The following RANBP2 variants were observed in gnomAD, a reference collection of about 807,000 sequenced individuals.
RANBP2 encodes E3 SUMO-protein ligase RanBP2.
In RANBP2, 57 loss-of-function variants were observed where a neutral mutation model predicts 303.6. The ratio of observed to expected loss-of-function variants is 0.19; its 90% confidence interval spans 0.15 to 0.23. The LOEUF (loss-of-function observed/expected upper bound fraction) is 0.23. Among genes scored for constraint, RANBP2 ranks in the 10% least tolerant of loss-of-function variants. RANBP2 has a pLI of 1.00. For synonymous variants in RANBP2, 1,167 were observed against 1,301.5 expected (o/e 0.90, Z 2.23); for missense variants, 3,138 against 3,780.8 (o/e 0.83, Z 4.46).
chr2:108,936,187 T>C, the RANBP2 span, among the ~76,000 whole-genome samples: 487 of 152,352 alleles, frequency 3.2e-3, 1 homozygote, highest in Non-Finnish European at 3.3e-3. Flanking sequence ...ACACCTCATA[T>C]CTGTGGGAAG....
chr2:109,187,681 T>C, the RANBP2 span, among the ~76,000 whole-genome samples: 1 of 152,210 alleles, frequency 6.6e-6, no homozygotes, highest in African/African-American at 2.4e-5. Context: ...GTTCACACAA[T>C]GATGTCACCC....
the RANBP2 span, among the ~76,000 whole-genome samples, chr2:109,522,485 C>CG: frequency 2.0e-5 from 3 of 151,920 alleles, no homozygotes; most frequent in East Asian, 5.8e-4. Context: ...TTAGTAGAGA[C>CG]GGGGTTTCAC....
the RANBP2 span, among the ~76,000 whole-genome samples, chr2:109,146,354 C>G: frequency 9.9e-5 from 15 of 152,144 alleles, no homozygotes; most frequent in Admixed American, 9.8e-4. Flanking sequence ...GCCAGGGCCT[C>G]AAGAGCAAAA....
the RANBP2 span, among the ~76,000 whole-genome samples, chr2:109,046,928 G>A: frequency 6.6e-6 from 1 of 151,970 alleles, no homozygotes; most frequent in Non-Finnish European, 1.5e-5. Flanking sequence ...AAGGAAGCCT[G>A]CCCCACAGTC....
the RANBP2 span, among the ~76,000 whole-genome samples, chr2:109,070,631 A>C: frequency 6.6e-6 from 1 of 152,172 alleles, no homozygotes; most frequent in African/African-American, 2.4e-5. Context: ...AGGTAAAGGC[A>C]GGAGGATCAC....
the RANBP2 span, among the ~76,000 whole-genome samples, chr2:109,157,477 A>G: frequency 6.6e-6 from 1 of 152,234 alleles, no homozygotes; most frequent in Non-Finnish European, 1.5e-5. Flanking sequence ...CTGCATTTCC[A>G]TACTCTCTGG....
intron 2 of RANBP2, among the ~76,000 whole-genome samples, chr2:108,729,708 G>C (rs1695013221): frequency 6.8e-6 from 1 of 146,958 alleles, no homozygotes; most frequent in African/African-American, 2.6e-5. Context: ...AAATTAAGAG[G>C]GAGTCAGGCT....
the RANBP2 span, among the ~76,000 whole-genome samples, chr2:109,117,544 T>C: frequency 6.6e-6 from 1 of 152,216 alleles, no homozygotes; most frequent in Admixed American, 6.5e-5. Flanking sequence ...TGTCACCCCC[T>C]TCTTTGACTA....
At chr2:109,633,413 A>G in the RANBP2 span, among the ~76,000 whole-genome samples, 2 of 151,494 alleles carry the variant, frequency 1.3e-5, no homozygotes, top group African/African-American at 4.9e-5. Context: ...ACAAAACAAA[A>G]CAAAACAAAA....
At chr2:108,845,818 G>A in the RANBP2 span, among the ~76,000 whole-genome samples, 11 of 152,050 alleles carry the variant, frequency 7.2e-5, no homozygotes, top group Admixed American at 2.6e-4. Flanking sequence ...TGATCTGCCT[G>A]CCTCGGCGTC....
chr2:109,125,204 T>G, the RANBP2 span, among the ~76,000 whole-genome samples: 1 of 152,122 alleles, frequency 6.6e-6, no homozygotes. Flanking sequence ...CTCTCGGTGC[T>G]TCCTCTGCCC....
At chr2:109,513,947 G>A in the RANBP2 span, among the ~76,000 whole-genome samples, 8,229 of 152,248 alleles carry the variant, frequency 0.054, 654 homozygotes, top group East Asian at 0.23. Context: ...GCAAGCAGCC[G>A]GGTGGAGCCC....
the RANBP2 span, among the ~76,000 whole-genome samples, chr2:109,644,223 C>G: frequency 6.6e-6 from 1 of 152,038 alleles, no homozygotes; most frequent in Non-Finnish European, 1.5e-5. Context: ...AGGAGAATCT[C>G]TTGAACCCAG....
At chr2:108,788,073 A>T (rs1204348783), downstream of RANBP2, 4 of 1,601,266 alleles carry the variant, frequency 2.5e-6, no homozygotes, top group Non-Finnish European at 3.4e-6. Context: ...ATAAGAGAAG[A>T]ACTCTAACCT....
At chr2:109,646,513 A>G in the RANBP2 span, among the ~76,000 whole-genome samples, 2 of 151,398 alleles carry the variant, frequency 1.3e-5, no homozygotes, top group Non-Finnish European at 1.5e-5. Context: ...TTTTTTTGAG[A>G]TGGAGTCTTG....
At position 108,766,735 on chromosome 2, in the gene RANBP2, G is replaced by C; in HGVS notation, c.6196G>C (p.Glu2066Gln). The change falls in exon 20 of 29, where the codon GAG (glutamate) becomes CAG (glutamine). Residue 2066 changes from glutamate (E) to glutamine (Q), a missense_variant. Glu to Gln is a conservative substitution (Grantham distance 29, BLOSUM62 2). Coordinates refer to ENST00000283195, the MANE Select transcript of RANBP2 (RefSeq NM_006267.5). The part of the protein sequence containing the change: ...GLGNLKILKN[E>Q]VNGKLRMLMR... The stretch of plus-strand genomic sequence containing the variant: ...GGGGAACTTAAAAATTCTCAAAAAC[G>C]AGGTCAATGGCAAACTAAGAATGCT... 1 of 1,611,970 alleles carries C rather than the reference G, an allele frequency of 6.2e-7. No individual in the cohort carries two copies. Among genetic ancestry groups the C allele is most frequent in the Non-Finnish European group, 8.5e-7 (1 of 1,179,846 alleles).
the RANBP2 span, among the ~76,000 whole-genome samples, chr2:109,400,719 CAA>C: frequency 6.6e-6 from 1 of 152,356 alleles, no homozygotes; most frequent in South Asian, 2.1e-4. Context: ...TGCACACACA[CAA>C]ACGCTGGCTC....
the RANBP2 span, among the ~76,000 whole-genome samples, chr2:109,079,600 T>C: frequency 6.6e-6 from 1 of 152,230 alleles, no homozygotes; most frequent in Non-Finnish European, 1.5e-5. Flanking sequence ...AGCCATCAGA[T>C]GGCACAGCTG....
the RANBP2 span, among the ~76,000 whole-genome samples, chr2:109,771,416 G>A: frequency 3.9e-5 from 4 of 103,390 alleles, 1 homozygote; most frequent in African/African-American, 2.0e-4. Flanking sequence ...TAGAGCCCAG[G>A]ACAGAGTTTG....
Sources: allele counts gnomAD v4.1 joint callset (sites outside exome capture counted in the v4.1 genomes callset), GRCh38; gene constraint gnomAD v4.1.1; transcripts MANE v1.5; gene names NCBI Gene and HGNC (gene_info 2026-07-23, HGNC 2026-07-21).